ZNF800: variants seen among roughly 807,000 people sequenced by gnomAD.
ZNF800 encodes the protein zinc finger protein 800.
In ZNF800, 13 loss-of-function variants were observed where a neutral mutation model predicts 59.5. That is an observed-to-expected ratio of 0.22 (90% CI 0.14 to 0.35). The LOEUF (loss-of-function observed/expected upper bound fraction) is 0.35. ZNF800 is among the 10% of genes least tolerant of loss of function. The pLI, the probability that ZNF800 is intolerant of heterozygous loss-of-function variation, is 1.00. For synonymous variants in ZNF800, 266 were observed against 265.7 expected, an observed-to-expected ratio of 1.00 and a Z score of -0.01; for missense variants, 621 against 783.7, an observed-to-expected ratio of 0.79 and a Z score of 2.48.
chr7:127,377,947 T>A lies in ZNF800; in HGVS notation c.158-618A>T. Among the ~76,000 whole-genome samples, 1 of 152,070 alleles carries A rather than the reference T, an allele frequency of 6.6e-6. No homozygotes were observed. Among genetic ancestry groups the A allele is most frequent in the Non-Finnish European group, 1.5e-5 (1 of 67,928 alleles). On this transcript the variant is annotated intron_variant, in intron 3 of 5. Coordinates refer to ENST00000265827, the MANE Select transcript of ZNF800 (RefSeq NM_176814.5). The surrounding 1 kb of genome is among the most constrained non-coding windows in gnomAD (Gnocchi z 4.7). ...GTGATTCTCTACGAAGTAGAGAATC[T>A]TTGTCTATACTGAGACATAATTTTG...
chr7:127,385,203 T>A (rs1365667815), intron 3 of ZNF800, among the ~76,000 whole-genome samples: 1 of 152,196 alleles, frequency 6.6e-6, no homozygotes, highest in Non-Finnish European at 1.5e-5. Context: ...AAATTTTTCA[T>A]TCAGTTAGTT....
chr7:127,343,743 G>A (rs570127432), downstream of ZNF800, among the ~76,000 whole-genome samples: 3 of 151,950 alleles, frequency 2.0e-5, no homozygotes, highest in Admixed American at 6.6e-5. Flanking sequence ...GTAAGAAATT[G>A]AGTTCAACAT....
At position 127,370,851 on chromosome 7, in the gene ZNF800, A is replaced by G. The variant is rs1444039785; in HGVS notation, c.*963T>C. 1.3e-5 allele frequency: 2 copies of G among 152,542 alleles called. No individual in the cohort carries two copies. The allele number at this position is 152,542 out of a possible 1,614,324, so 9.4% of individuals were successfully genotyped here. On this transcript the variant is annotated 3_prime_UTR_variant, in exon 6 of 6. Coordinates refer to ENST00000265827, the MANE Select transcript of ZNF800 (RefSeq NM_176814.5). Reference sequence around the variant, plus strand: ...TTACAGTAGGAATCAAATATTATCTAAAGTGGTCCTTTAAGATTTTTCTTG... The same window carrying G: ...TTACAGTAGGAATCAAATATTATCTGAAGTGGTCCTTTAAGATTTTTCTTG...
At chr7:127,366,878 C>T (rs554193178), downstream of ZNF800, among the ~76,000 whole-genome samples, 4 of 152,212 alleles carry the variant, frequency 2.6e-5, no homozygotes, top group South Asian at 8.3e-4. Context: ...ATTAGCCCAA[C>T]AGGCAATGAA....
At chr7:127,386,607 T>C (rs975393922) in intron 2 of ZNF800, among the ~76,000 whole-genome samples, 2 of 152,152 alleles carry the variant, frequency 1.3e-5, no homozygotes, top group African/African-American at 4.8e-5. Context: ...ATGAGCAAAA[T>C]GTCAAAAATC....
intron 2 of ZNF800, 88 bp downstream of exon 2, chr7:127,391,409 G>C: frequency 7.1e-6 from 9 of 1,264,048 alleles, no homozygotes; most frequent in Non-Finnish European, 1.0e-5. Context: ...AATGACTACT[G>C]GGGCAGGAGG....
intron 1 of ZNF800, among the ~76,000 whole-genome samples, chr7:127,355,528 C>A (rs17864970): frequency 0.031 from 4,637 of 151,970 alleles, 214 homozygotes; most frequent in African/African-American, 0.099. Flanking sequence ...TTGGAACTGT[C>A]AAGAACAGAT....
At position 127,370,721 on chromosome 7, in the gene ZNF800, T is replaced by C. The variant is rs1395705978; in HGVS notation, c.*1093A>G. 6.6e-6 allele frequency: 1 copy of C among 152,570 alleles called. No homozygotes were observed. Among genetic ancestry groups the C allele is most frequent in the East Asian group, 1.9e-4 (1 of 5,200 alleles). 9.5% of individuals were successfully genotyped at this position (152,570 alleles called of 1,614,324 possible). A position where few individuals can be genotyped will look rare whatever the true frequency, so the allele number is the denominator to read the frequency against. Reference sequence around the variant, plus strand: ...AAATATTCCCTAAAAGTACAAAATATTGATACACAAAAACCTGCCCAAAAT... The same window carrying C: ...AAATATTCCCTAAAAGTACAAAATACTGATACACAAAAACCTGCCCAAAAT... On this transcript the variant is annotated 3_prime_UTR_variant, in exon 6 of 6. Transcript: ENST00000265827.
chr7:127,373,452 G>A lies in ZNF800; in HGVS notation c.1884C>T (p.Ala628=). ...TATGATGTTCAAGGTAAGTCTTTTT[G>A]GCAAATGCCTTTCCACATTTATTGC... ...HRCNKCGKAF[A]KKTYLEHHKK... Residue 628 remains alanine (A), a synonymous_variant, in exon 5 of 6, where the codon GCC becomes GCT. Transcript: ENST00000265827. 1.2e-6 allele frequency: 2 copies of A among 1,614,038 alleles called. No homozygotes were observed. The highest frequency in any genetic ancestry group is 1.7e-6 in the Non-Finnish European group (2 of 1,179,992).
chr7:127,384,231 T>G (rs1459419428), intron 3 of ZNF800, among the ~76,000 whole-genome samples: 1 of 80,226 alleles, frequency 1.2e-5, no homozygotes, highest in Non-Finnish European at 2.9e-5. Flanking sequence ...TAACTTCTTT[T>G]TTTTTTTTTT....
chr7:127,379,440 T>A (rs781531860), intron 3 of ZNF800, among the ~76,000 whole-genome samples: 1 of 152,166 alleles, frequency 6.6e-6, no homozygotes. Flanking sequence ...CCTTTAAGGA[T>A]AGTCAAAAAA....
intron 1 of ZNF800, among the ~76,000 whole-genome samples, chr7:127,349,675 A>G (rs1800135187): frequency 6.6e-6 from 1 of 152,248 alleles, no homozygotes; most frequent in South Asian, 2.1e-4. Flanking sequence ...AGAAATAAAT[A>G]AAATGTCCAA....
At position 127,370,925 on chromosome 7, in the gene ZNF800, T is replaced by C. The variant is rs575480586; in HGVS notation, c.*889A>G. On this transcript the variant is annotated 3_prime_UTR_variant, in exon 6 of 6. Transcript: ENST00000265827. ...CACCCGCATCTTCCTTTTGTAGCAA[T>C]ATTTAAGGAAATAAACTAGTATCAT... is the stretch of plus-strand genomic sequence containing the variant. 40 of 152,654 alleles carry C rather than the reference T, an allele frequency of 2.6e-4. No homozygotes were observed. The highest frequency in any genetic ancestry group is 9.4e-4 in the African/African-American group (39 of 41,574). The allele number at this position is 152,654 out of a possible 1,614,324, so 9.5% of individuals were successfully genotyped here.
chr7:127,381,960 C>T lies in ZNF800; in HGVS notation c.157+4100G>A, dbSNP rs180797949. 3.3e-5 allele frequency among the ~76,000 whole-genome samples: 5 copies of T among 151,694 alleles called. No individual in the cohort carries two copies. The East Asian group carries it at 9.7e-4, about 29-fold the overall frequency. ...AAAAAGCCTAAGTTAAATGACCAAACCCAAATTTAGAAAGATAATGACAGC... is the reference window on the plus strand; with the variant it reads ...AAAAAGCCTAAGTTAAATGACCAAATCCAAATTTAGAAAGATAATGACAGC... On this transcript the variant is annotated intron_variant, in intron 3 of 5. Transcript: ENST00000265827.
intron 2 of ZNF800, among the ~76,000 whole-genome samples, chr7:127,390,469 A>C (rs575647516): frequency 6.6e-6 from 1 of 152,314 alleles, no homozygotes; most frequent in Non-Finnish European, 1.5e-5. Context: ...TTTTATCCTC[A>C]TCTGTAGCAA....
Position 127,377,775 on chromosome 7 carries a change from A to T in ZNF800, c.158-446T>A, listed in dbSNP as rs1800827203. 6.6e-6 allele frequency among the ~76,000 whole-genome samples: 1 copy of T among 152,072 alleles called. No individual in the cohort carries two copies. The highest frequency in any genetic ancestry group is 1.5e-5 in the Non-Finnish European group (1 of 67,940). On this transcript the variant is annotated intron_variant, in intron 3 of 5. Transcript: ENST00000265827. This position sits in a 1 kb window ranked among gnomAD's most constrained non-coding sequence, Gnocchi z 4.7. The stretch of plus-strand genomic sequence containing the variant: ...TTTGAAGCTCTTTTCTGTATTAGGA[A>T]GTAAGCAAGGAGTTTTTCAATACAT...
At position 127,377,107 on chromosome 7, in the gene ZNF800, AT is replaced by A. The variant is rs1344442757; in HGVS notation, c.301+78del. On this transcript the variant is annotated intron_variant, in intron 4 of 5. Coordinates refer to ENST00000265827, the MANE Select transcript of ZNF800 (RefSeq NM_176814.5). The surrounding 1 kb of genome is among the most constrained non-coding windows in gnomAD (Gnocchi z 4.7). ...ATCAAATTATCAGTAACTAGATACA[AT>A]TTTAATGCAAATGTATACTTGCAGT... 9.3e-6 allele frequency: 12 copies of A among 1,295,784 alleles called. No homozygotes were observed. The highest frequency in any genetic ancestry group is 1.3e-5 in the Non-Finnish European group (12 of 954,244). 80.3% of individuals were successfully genotyped at this position (1,295,784 alleles called of 1,614,324 possible).
chr7:127,379,590 A>G (rs1361062453), intron 3 of ZNF800, among the ~76,000 whole-genome samples: 1 of 152,174 alleles, frequency 6.6e-6, no homozygotes, highest in Non-Finnish European at 1.5e-5. Context: ...ATACATAAAA[A>G]ATAGTCAAGT....
chr7:127,348,952 G>A (rs374892725), intron 1 of ZNF800, among the ~76,000 whole-genome samples: 10 of 152,016 alleles, frequency 6.6e-5, no homozygotes, highest in African/African-American at 1.2e-4. Flanking sequence ...AAAGTTCTGC[G>A]TAAATTACAG....
Sources: gnomAD v4.1 joint callset for allele counts (sites outside exome capture counted in the v4.1 genomes callset) on GRCh38, gnomAD v4.1.1 for gene constraint, Gnocchi (gnomAD v3.1) non-coding constraint, MANE v1.5 for transcripts, NCBI Gene and HGNC (gene_info 2026-07-23, HGNC 2026-07-21) for gene names.